IGSF22: variants seen among roughly 807,000 people sequenced by gnomAD.
IGSF22 encodes the protein immunoglobulin superfamily, member 22.
Under a neutral mutation model 127.0 loss-of-function variants are expected in IGSF22, and 119 were observed. The ratio of observed to expected loss-of-function variants is 0.94; its 90% CI spans 0.81 to 1.09. The LOEUF is 1.09. Among genes scored for constraint, IGSF22 ranks in the 50% least tolerant of loss-of-function variants. The pLI, the probability that IGSF22 is intolerant of heterozygous loss-of-function variation, is 0.00. For missense variants in IGSF22, 1,518 were observed against 1,716.6 expected (o/e 0.88, Z 2.04); for synonymous variants, 568 against 664.7 (o/e 0.85, Z 2.24).
At chr11:18,718,564 G>A (rs1411078252) in intron 8 of IGSF22, 51 bp downstream of exon 8, 6 of 972,428 alleles carry the variant, frequency 6.2e-6, no homozygotes, top group Non-Finnish European at 1.0e-5. Context: ...AGAGAAGGGG[G>A]TAGAGAGGAA....
intron 18 of IGSF22, 53 bp from the exon 19 acceptor site, chr11:18,708,348 C>G: frequency 5.0e-6 from 7 of 1,408,320 alleles, no homozygotes; most frequent in Non-Finnish European, 5.7e-6. Flanking sequence ...CAAGAAGACT[C>G]TGCTTTAAGC....
intron 7 of IGSF22, among the ~76,000 whole-genome samples, chr11:18,719,320 G>T (rs200352093): frequency 4.2e-4 from 58 of 138,132 alleles, no homozygotes; most frequent in African/African-American, 1.3e-3. Context: ...GTTTTTTTTT[G>T]TTTTTTTTTG....
rs923003634 is a variant in IGSF22 at position 18,709,631 on chromosome 11, G to A, written c.2754C>T (p.Ser918=). The A allele has an allele frequency of 6.2e-7, 1 of 1,614,040 alleles. No homozygotes were observed. Among genetic ancestry groups the A allele is most frequent in the Non-Finnish European group, 8.5e-7 (1 of 1,180,034 alleles). Residue 918 remains serine (S), a synonymous_variant, in exon 18 of 23, where the codon AGC becomes AGT. Coordinates refer to ENST00000513874, the MANE Select transcript of IGSF22 (RefSeq NM_173588.4). The surrounding 1 kb of genome is among the most constrained non-coding windows in gnomAD (Gnocchi z 4.8). The part of the protein sequence containing the change: ...DLHVSDSSNS[S]ISLAWREPAE... ...CAGGCTCCCGCCAGGCCAGGGAAATGCTGGAGTTGGAGGAATCAGATACAT... is the reference window on the plus strand; with the variant it reads ...CAGGCTCCCGCCAGGCCAGGGAAATACTGGAGTTGGAGGAATCAGATACAT...
intron 8 of IGSF22, 68 bp downstream of exon 8, chr11:18,718,547 T>C: frequency 2.2e-6 from 2 of 894,350 alleles, no homozygotes; most frequent in South Asian, 2.6e-5. Context: ...ATGGCTTATA[T>C]ACAGTGAGAG....
intron 2 of IGSF22, among the ~76,000 whole-genome samples, chr11:18,722,353 T>G (rs906146140): frequency 6.6e-6 from 1 of 152,098 alleles, no homozygotes; most frequent in Non-Finnish European, 1.5e-5. Context: ...TCTTGGTCTC[T>G]TAGGCTTCTC....
intron 21 of IGSF22, chr11:18,706,589 C>T: frequency 5.5e-6 from 2 of 363,590 alleles, no homozygotes; most frequent in Non-Finnish European, 5.0e-6. Flanking sequence ...AGACATCCTC[C>T]CGGCTCCCTA....
rs1406164196 is a variant in IGSF22, at chr11:18,706,472, C to T, written c.3581-326G>A. 1.6e-5 allele frequency: 7 copies of T among 439,162 alleles called. No individual in the cohort carries two copies. In the Admixed American group the frequency reaches 2.4e-4, roughly 15 times the overall value. The allele number at this position is 439,162 out of a possible 1,614,324, so 27.2% of individuals were successfully genotyped here. A position where few individuals can be genotyped will look rare whatever the true frequency, so the allele number is the denominator to read the frequency against. ...GCCTTTAACTCCGCCTCCAAGCTTC[C>T]CCTACGTCATATCAGCGACCACAGT... On this transcript the variant is annotated intron_variant, in intron 21 of 22. Transcript: ENST00000513874.
intron 4 of IGSF22, 42 bp downstream of exon 4, chr11:18,721,493 T>G (rs755665781): frequency 6.2e-7 from 1 of 1,613,622 alleles, no homozygotes; most frequent in Non-Finnish European, 8.5e-7. Context: ...GGTCCCTGCC[T>G]CTGGCCTTCT....
intron 10 of IGSF22, 103 bp from the exon 11 acceptor site, chr11:18,715,819 C>A (rs4485084): frequency 0.01 from 12,816 of 1,280,104 alleles, 88 homozygotes; most frequent in Non-Finnish European, 0.012. Flanking sequence ...CCAGAAAACA[C>A]AAGAACTTGT....
intron 22 of IGSF22, 57 bp downstream of exon 22, chr11:18,705,744 TGACCAATGGCCCACAA>T: frequency 4.4e-6 from 6 of 1,348,362 alleles, no homozygotes; most frequent in Non-Finnish European, 5.0e-6. Flanking sequence ...GCCAAATAGT[TGACCAATGGCCCACAA>T]GACCAGCCTT....
At chr11:18,718,579 T>G in intron 8 of IGSF22, 36 bp downstream of exon 8, 1 of 1,147,394 alleles carries the variant, frequency 8.7e-7, no homozygotes, top group Non-Finnish European at 1.3e-6. Context: ...GAGGAAGAGA[T>G]ATTGCCAAGG....
At position 18,713,956 on chromosome 11, in the gene IGSF22, A is replaced by C. The variant is rs1376444148; in HGVS notation, c.1991T>G (p.Leu664Arg). The change falls in exon 14 of 23, where the codon CTG becomes CGG. Residue 664 changes from leucine to arginine, a missense_variant. Leu to Arg is a moderately radical substitution (Grantham distance 102). Around this residue, in one of 3 missense-constraint regions of IGSF22, gnomAD observed 1,456 missense variants for 1,644.9 expected, o/e 0.89. Coordinates refer to ENST00000513874, the MANE Select transcript of IGSF22 (RefSeq NM_173588.4). ...VSMERGEDQA[L>R]LTISNCVRED... ...ACGCACACAGTTGGAGATGGTGAGC[A>C]GTGCCTGGTCTTCCCCGCGCTCCAT... 1.2e-6 allele frequency: 2 copies of C among 1,614,248 alleles called. No individual in the cohort carries two copies. Among genetic ancestry groups the C allele is most frequent in the East Asian group, 4.5e-5 (2 of 44,886 alleles).
Position 18,714,389 on chromosome 11 carries a change from C to T in IGSF22, c.1686G>A (p.Val562=). Residue 562 remains valine, a synonymous_variant, in exon 13 of 23, where the codon GTG becomes GTA. Transcript: ENST00000513874. ...EITDLPGMQI[V]KQGAVHKLIF... ...TGAGCTTGTGCACTGCACCCTGCTTCACAATCTGCATGCCTGGCAAGTCCG... is the reference window on the plus strand; with the variant it reads ...TGAGCTTGTGCACTGCACCCTGCTTTACAATCTGCATGCCTGGCAAGTCCG... 4 of 1,614,052 alleles carry T rather than the reference C, an allele frequency of 2.5e-6. No individual in the cohort carries two copies. The highest frequency in any genetic ancestry group is 3.4e-6 in the Non-Finnish European group (4 of 1,179,862).
At chr11:18,719,207 T>C (rs889073444) in intron 7 of IGSF22, among the ~76,000 whole-genome samples, 4 of 152,164 alleles carry the variant, frequency 2.6e-5, no homozygotes, top group Non-Finnish European at 5.9e-5. Flanking sequence ...TGCAGTGGCG[T>C]GATCTTGGCT....
intron 4 of IGSF22, among the ~76,000 whole-genome samples, chr11:18,720,630 T>A (rs1848554365): frequency 6.6e-6 from 1 of 152,172 alleles, no homozygotes; most frequent in South Asian, 2.1e-4. Flanking sequence ...TACAATTTAC[T>A]CCTCTGTACC....
At position 18,715,696 on chromosome 11, in the gene IGSF22, T is replaced by C. The variant is rs1848451475; in HGVS notation, c.1267A>G (p.Ser423Gly). 1 of 1,611,524 alleles carries C rather than the reference T, an allele frequency of 6.2e-7. No homozygotes were observed. The highest frequency in any genetic ancestry group is 1.1e-5 in the South Asian group (1 of 91,046). Residue 423 changes from serine to glycine, a missense_variant, in exon 11 of 23, where the codon AGC (serine) becomes GGC (glycine). By Grantham distance (56) the Ser-to-Gly change is moderately conservative (BLOSUM62 0). Transcript: ENST00000513874. ...TTCACACGTACATTTTTGAGGTTGC[T>C]CACAAACTTGATGGGGATGCCTGTG... ...TVDRIPIKFV[S>G]NLKNVRVKER...
chr11:18,724,085 T>G lies in IGSF22; in HGVS notation c.109+43A>C, dbSNP rs774115446. 5 of 1,504,508 alleles carry G rather than the reference T, an allele frequency of 3.3e-6. No individual in the cohort carries two copies. The South Asian group carries it at 5.8e-5, about 17-fold the overall frequency. The allele number at this position is 1,504,508 out of a possible 1,614,324, so 93.2% of individuals were successfully genotyped here. On this transcript the variant is annotated intron_variant, in intron 2 of 22. Coordinates refer to ENST00000513874, the MANE Select transcript of IGSF22 (RefSeq NM_173588.4). ...CCAAGGGATGGGTGTGGAGGAAGAA[T>G]AGCTGCCCTTCCCGATCCCTTCCCT... is the stretch of plus-strand genomic sequence containing the variant.
chr11:18,714,575 A>G lies in IGSF22; in HGVS notation c.1581T>C (p.Thr527=), dbSNP rs751719101. The G allele has an allele frequency of 6.2e-7, 1 of 1,614,198 alleles. No homozygotes were observed. The highest frequency in any genetic ancestry group is 8.5e-7 in the Non-Finnish European group (1 of 1,180,046). Residue 527 remains threonine, a synonymous_variant, in exon 12 of 23, where the codon ACT becomes ACC. Coordinates refer to ENST00000513874, the MANE Select transcript of IGSF22 (RefSeq NM_173588.4). ...CTACACACAACTCAGCTGGGCTCCC[A>G]GTGGCCGCGTGCACGTCGGACATCC... The part of the protein sequence containing the change: ...KSGMSDVHAA[T]GSPAELCVVL...
At position 18,718,589 on chromosome 11, in the gene IGSF22, G is replaced by A. The variant is rs371076211; in HGVS notation, c.810+26C>T. 10 of 1,307,020 alleles carry A rather than the reference G, an allele frequency of 7.7e-6. No homozygotes were observed. The African/African-American group carries it at 1.0e-4, about 13-fold the overall frequency. The allele number at this position is 1,307,020 out of a possible 1,614,324, so 81.0% of individuals were successfully genotyped here. On this transcript the variant is annotated intron_variant, in intron 8 of 22. Transcript: ENST00000513874. Reference sequence around the variant, plus strand: ...GTAGAGAGGAAGAGATATTGCCAAGGTGGACCCTGGCTAGGCATCCCCCAC... The same window carrying A: ...GTAGAGAGGAAGAGATATTGCCAAGATGGACCCTGGCTAGGCATCCCCCAC...
Sources: allele counts gnomAD v4.1 joint callset (sites outside exome capture counted in the v4.1 genomes callset), GRCh38; gene constraint gnomAD v4.1.1; regional missense constraint gnomAD v4.1.1; non-coding constraint Gnocchi (gnomAD v3.1); transcripts MANE v1.5; gene names NCBI Gene and HGNC (gene_info 2026-07-23, HGNC 2026-07-21).